Variants in YBEY observed in about 807,000 individuals in gnomAD.
YBEY encodes endoribonuclease YbeY.
A neutral mutation model predicts 13.5 loss-of-function variants in YBEY; 15 were observed. The ratio of observed to expected loss-of-function variants is 1.11; its 90% CI spans 0.75 to 1.72. The LOEUF (loss-of-function observed/expected upper bound fraction) is 1.72, where lower values mean the gene tolerates loss of function less well. Ranked by LOEUF, YBEY falls within the 40% of genes most tolerant of loss-of-function variation. The pLI, the probability that YBEY is intolerant of heterozygous loss-of-function variation, is 0.00. For synonymous variants in YBEY, 101 were observed against 83.1 expected (o/e 1.21, Z -1.17); for missense variants, 244 against 208.4 (o/e 1.17, Z -1.05).
chr21:46,299,611 T>C (rs184607801), downstream of YBEY, among the ~76,000 whole-genome samples: 21 of 152,276 alleles, frequency 1.4e-4, 1 homozygote, highest in East Asian at 7.7e-4. Flanking sequence ...TGGAGTTGCA[T>C]TGAATCTGCA....
downstream of YBEY, chr21:46,301,625 T>C: frequency 9.6e-7 from 1 of 1,045,270 alleles, no homozygotes; most frequent in Non-Finnish European, 1.2e-6. Context: ...GAAATCTTTA[T>C]TTCATCAGGC....
intron 2 of YBEY, among the ~76,000 whole-genome samples, chr21:46,289,568 C>T (rs1360752290): frequency 6.6e-6 from 1 of 151,198 alleles, no homozygotes; most frequent in Non-Finnish European, 1.5e-5. Flanking sequence ...GCTTCAGCCT[C>T]CCGAGTAGCT....
downstream of YBEY, among the ~76,000 whole-genome samples, chr21:46,298,557 G>T (rs1312413720): frequency 7.3e-5 from 11 of 151,112 alleles, no homozygotes; most frequent in Admixed American, 4.0e-4. Context: ...ATCCTCCCGA[G>T]TAGCTGGGAC....
At chr21:46,292,406 A>G (rs904200387) in intron 3 of YBEY, among the ~76,000 whole-genome samples, 3 of 152,216 alleles carry the variant, frequency 2.0e-5, no homozygotes, top group Non-Finnish European at 4.4e-5. Flanking sequence ...GGCCCTTCAC[A>G]AGCTTCACAG....
chr21:46,305,327 CTTTTTTT>C, the YBEY span, among the ~76,000 whole-genome samples: 2 of 109,188 alleles, frequency 1.8e-5, no homozygotes, highest in African/African-American at 3.6e-5. Flanking sequence ...ACAAATTAAT[CTTTTTTT>C]TTTTTTTTTT....
downstream of YBEY, among the ~76,000 whole-genome samples, chr21:46,299,750 G>GCCCCCCCCCCCCCCCCCCCC (rs545785598): frequency 1.2e-4 from 18 of 147,250 alleles, no homozygotes; most frequent in African/African-American, 2.5e-4. Flanking sequence ...TGTGCCCTGA[G>GCCCCCCCCCCCCCCCCCCCC]CCCCCCCCAC....
At chr21:46,288,485 G>C (rs1195194080) in intron 2 of YBEY, among the ~76,000 whole-genome samples, 2 of 151,960 alleles carry the variant, frequency 1.3e-5, no homozygotes, top group African/African-American at 4.8e-5. Flanking sequence ...AGACCATCCT[G>C]GCCAACATGG....
chr21:46,289,401 G>A (rs2081598268), intron 2 of YBEY, among the ~76,000 whole-genome samples: 1 of 151,562 alleles, frequency 6.6e-6, no homozygotes, highest in Non-Finnish European at 1.5e-5. Context: ...AGTAGACTGT[G>A]TGGATATTCG....
intron 4 of YBEY, among the ~76,000 whole-genome samples, chr21:46,297,085 G>A (rs1415126515): frequency 6.6e-6 from 1 of 152,098 alleles, no homozygotes; most frequent in South Asian, 2.1e-4. Context: ...GATCACTTGA[G>A]GTCAGGAGTT....
In YBEY at chr21:46,296,836, A is replaced by C. The variant is rs561803056; in HGVS notation, c.408+606A>C. Among the ~76,000 whole-genome samples, 250 of 151,676 alleles carry C rather than the reference A, an allele frequency of 1.6e-3. 3 individuals carry two copies. The highest frequency in any genetic ancestry group is 5.8e-3 in the African/African-American group (241 of 41,320). ...ATGGAGAAACCCTGTCTCTACTAAA[A>C]ATACAAAATTAGCTGGGCCTGGTGG... On this transcript the variant is annotated intron_variant, in intron 4 of 4. Transcript: ENST00000397701.
chr21:46,298,777 T>C (rs544402707), downstream of YBEY, among the ~76,000 whole-genome samples: 7 of 151,030 alleles, frequency 4.6e-5, no homozygotes, highest in South Asian at 1.5e-3. Flanking sequence ...CAGGCTGGAG[T>C]GCAGTGGTGC....
chr21:46,306,896 T>G, the YBEY span, among the ~76,000 whole-genome samples: 1 of 141,880 alleles, frequency 7.0e-6, no homozygotes, highest in South Asian at 2.3e-4. Flanking sequence ...CCTCCCCTTA[T>G]TTTTATTTAT....
downstream of YBEY, chr21:46,300,645 A>G (rs1007308349): frequency 6.4e-6 from 8 of 1,243,912 alleles, no homozygotes; most frequent in Non-Finnish European, 8.3e-6. Context: ...CTGCCCGTCC[A>G]TGTCAGCACC....
the YBEY span, among the ~76,000 whole-genome samples, chr21:46,303,731 ATATATATATATATATTTTT>A: frequency 1.8e-4 from 5 of 28,434 alleles, no homozygotes; most frequent in African/African-American, 3.5e-4. Flanking sequence ...ATATATATAT[ATATATATATATATATTTTT>A]TTTTTTTTTT....
chr21:46,302,158 C>T, downstream of YBEY: 2 of 1,475,950 alleles, frequency 1.4e-6, no homozygotes, highest in Non-Finnish European at 1.8e-6. Context: ...GCGGGTCCTG[C>T]CACAGACGCA....
chr21:46,297,015 T>G (rs2081973780), intron 4 of YBEY, among the ~76,000 whole-genome samples: 1 of 129,900 alleles, frequency 7.7e-6, no homozygotes, highest in African/African-American at 2.9e-5. Context: ...AAAGAAAAAG[T>G]TGGCCAGGCG....
At chr21:46,302,034 G>T, downstream of YBEY, 1 of 1,537,532 alleles carries the variant, frequency 6.5e-7, no homozygotes, top group Non-Finnish European at 8.8e-7. Context: ...CTGGGGGCGG[G>T]CTGGAGGACA....
At chr21:46,299,953 C>T (rs1209746587), downstream of YBEY, among the ~76,000 whole-genome samples, 1 of 152,126 alleles carries the variant, frequency 6.6e-6, no homozygotes, top group Non-Finnish European at 1.5e-5. Flanking sequence ...CCCTGCCCCA[C>T]CCTCAGGTGT....
chr21:46,290,299 A>G (rs13048439), intron 2 of YBEY, among the ~76,000 whole-genome samples: 61,494 of 151,354 alleles, frequency 0.41, 12,986 homozygotes, highest in Admixed American at 0.48. Context: ...TCCGCCTCCC[A>G]GGTTCAAGCG....
Sources: gnomAD v4.1 joint callset for allele counts (sites outside exome capture counted in the v4.1 genomes callset) on GRCh38, gnomAD v4.1.1 for gene constraint, MANE v1.5 for transcripts, NCBI Gene and HGNC (gene_info 2026-07-23, HGNC 2026-07-21) for gene names.